Variants in ANKRD11 observed in about 807,000 individuals in gnomAD.
ANKRD11 encodes the protein ankyrin repeat domain 11, also known as ankyrin repeat domain-containing protein 11.
In ANKRD11, 17 loss-of-function variants were observed where a neutral mutation model predicts 195.7. That is an observed-to-expected ratio of 0.09 (90% CI 0.06 to 0.13). The LOEUF is 0.13. ANKRD11 is among the 10% of genes least tolerant of loss of function. The probability of loss-of-function intolerance (pLI) is 1.00; values close to 1 mark genes in which losing one functional copy is unlikely to be tolerated. For synonymous variants in ANKRD11, 1,953 were observed against 1,528.1 expected, an observed-to-expected ratio of 1.28 and a Z score of -6.49; for missense variants, 3,735 against 3,566.1, an observed-to-expected ratio of 1.05 and a Z score of -1.21.
At chr16:89,331,752 T>C (rs908574643) in intron 2 of ANKRD11, among the ~76,000 whole-genome samples, 2 of 152,168 alleles carry the variant, frequency 1.3e-5, no homozygotes, top group Admixed American at 1.3e-4. Flanking sequence ...TCCCAAAATA[T>C]TGGGGCTACA....
intron 2 of ANKRD11, among the ~76,000 whole-genome samples, chr16:89,344,284 G>A (rs974571156): frequency 6.6e-6 from 1 of 152,100 alleles, no homozygotes; most frequent in African/African-American, 2.4e-5. Flanking sequence ...AGCCTCTAAC[G>A]AGCCTCAGCT....
intron 2 of ANKRD11, among the ~76,000 whole-genome samples, chr16:89,383,547 T>C (rs1179078247): frequency 6.6e-6 from 1 of 152,192 alleles, no homozygotes; most frequent in Non-Finnish European, 1.5e-5. Flanking sequence ...GGAAGAGCCA[T>C]GAAGTTCCCA....
At chr16:89,301,732 G>T in intron 4 of ANKRD11, 1 of 398,352 alleles carries the variant, frequency 2.5e-6, no homozygotes, top group Non-Finnish European at 4.4e-6. Context: ...CAGCCTCGGG[G>T]ACTGCTTTAA....
At position 89,285,881 on chromosome 16, in the gene ANKRD11, G is replaced by T. The variant is rs1384101361; in HGVS notation, c.892+158C>A. ...TGAAGACTGCAGGCTTCTCGGCAGTGACACACCTGGGCGGGGTCTCCCGCA... is the reference window on the plus strand; with the variant it reads ...TGAAGACTGCAGGCTTCTCGGCAGTTACACACCTGGGCGGGGTCTCCCGCA... On this transcript the variant is annotated intron_variant, in intron 8 of 12. Coordinates refer to ENST00000301030, the MANE Select transcript of ANKRD11 (RefSeq NM_013275.6). The surrounding 1 kb of genome is among the most constrained non-coding windows in gnomAD (Gnocchi z 5.6). Among the ~76,000 whole-genome samples the T allele has an allele frequency of 6.6e-6, 1 of 152,254 alleles. No homozygotes were observed. Among genetic ancestry groups the T allele is most frequent in the Non-Finnish European group, 1.5e-5 (1 of 68,046 alleles).
At chr16:89,277,640 C>T (rs907443540) in intron 9 of ANKRD11, 2 of 152,324 alleles carry the variant, frequency 1.3e-5, no homozygotes, top group African/African-American at 4.8e-5. Context: ...GTGGATGAGC[C>T]TCCCCGGGGA....
intron 2 of ANKRD11, among the ~76,000 whole-genome samples, chr16:89,345,431 G>A (rs1284618308): frequency 6.6e-6 from 1 of 152,218 alleles, no homozygotes; most frequent in African/African-American, 2.4e-5. Context: ...CTGGGAGGCA[G>A]TCCCGTCCAT....
rs869142504 is a variant in ANKRD11 at position 89,334,144 on chromosome 16, TAAAAAAAAAAAA to T, written c.-59-17078_-59-17067del. ...GGTAACATGATGAAACCCTGTGTTTTAAAAAAAAAAAAAAAAAAAAAAAAAAAAACAGAGAGA... is the reference window on the plus strand; with the variant it reads ...GGTAACATGATGAAACCCTGTGTTTTAAAAAAAAAAAAAAAAACAGAGAGA... On this transcript the variant is annotated intron_variant, in intron 2 of 12. Coordinates refer to ENST00000301030, the MANE Select transcript of ANKRD11 (RefSeq NM_013275.6). Among the ~76,000 whole-genome samples the T allele has an allele frequency of 1.1e-3, 45 of 41,416 alleles. 1 individual carries two copies. The highest frequency in any genetic ancestry group is 3.4e-3 in the African/African-American group (36 of 10,448). 27.2% of individuals were successfully genotyped at this position (41,416 alleles called of 152,430 possible).
At chr16:89,305,154 G>A in intron 4 of ANKRD11, 52 bp downstream of exon 4, 1 of 1,599,668 alleles carries the variant, frequency 6.3e-7, no homozygotes, top group Non-Finnish European at 8.5e-7. Flanking sequence ...TGCCTGGGCT[G>A]CTCCGGGCTG....
rs1352191359 is a variant in ANKRD11 at position 89,268,616 on chromosome 16, G to T, written c.7854C>A (p.Ala2618=). 5.8e-6 allele frequency: 9 copies of T among 1,563,380 alleles called. No homozygotes were observed. The African/African-American group carries it at 6.8e-5, about 12-fold the overall frequency. The part of the protein sequence containing the change: ...RQQHEAAALN[A]VQRMEWQLKV... ...TCAGCTGCCACTCCATCCTCTGCAC[G>T]GCGTTCAGGGCCGCGGCCTCGTGCT... Residue 2618 remains alanine (A), a synonymous_variant, in exon 13 of 13, where the codon GCC becomes GCA. Coordinates refer to ENST00000301030, the MANE Select transcript of ANKRD11 (RefSeq NM_013275.6).
chr16:89,478,073 T>C (rs1206565816), intron 1 of ANKRD11, among the ~76,000 whole-genome samples: 2 of 152,038 alleles, frequency 1.3e-5, no homozygotes, highest in Non-Finnish European at 2.9e-5. Context: ...AAAAGAAAAA[T>C]AAAACAATGG....
At chr16:89,323,080 C>T in intron 2 of ANKRD11, 2 of 308,228 alleles carry the variant, frequency 6.5e-6, no homozygotes, top group South Asian at 2.5e-5. Flanking sequence ...TGCTTTACGG[C>T]AACCCCTGCC....
intron 2 of ANKRD11, among the ~76,000 whole-genome samples, chr16:89,355,600 T>C (rs986304198): frequency 3.3e-5 from 5 of 152,040 alleles, no homozygotes; most frequent in South Asian, 2.1e-4. Context: ...AACTCAAAAA[T>C]AGACTGAAAT....
chr16:89,323,429 CA>C (rs1330774244), intron 2 of ANKRD11: 2 of 935,422 alleles, frequency 2.1e-6, no homozygotes, highest in Non-Finnish European at 2.9e-6. Context: ...GAGCCGAGGG[CA>C]GGGGGGCTGA....
chr16:89,357,479 C>T (rs534834129), intron 2 of ANKRD11, among the ~76,000 whole-genome samples: 2 of 152,266 alleles, frequency 1.3e-5, no homozygotes, highest in South Asian at 4.1e-4. Context: ...CAACAAATTA[C>T]AAAAGGACTA....
At chr16:89,313,496 G>A in intron 3 of ANKRD11, 2 of 1,289,230 alleles carry the variant, frequency 1.6e-6, no homozygotes, top group Non-Finnish European at 2.0e-6. Context: ...CAAGCCGTCA[G>A]GTCAGCGCGG....
chr16:89,313,428 G>A lies in ANKRD11; in HGVS notation c.87+3505C>T, dbSNP rs535574855. ...ATGGTGAGAGACCGTCTGCAGAAGG[G>A]GCCCTTTCTCTGACACGCCTGCCAC... On this transcript the variant is annotated intron_variant, in intron 3 of 12. Transcript: ENST00000301030. The A allele has an allele frequency of 7.4e-5, 96 of 1,289,124 alleles. No homozygotes were observed. The East Asian group carries it at 5.0e-3, about 68-fold the overall frequency. The allele number at this position is 1,289,124 out of a possible 1,614,324, so 79.9% of individuals were successfully genotyped here.
chr16:89,449,882 C>CAT (rs35483140), intron 1 of ANKRD11, among the ~76,000 whole-genome samples: 1 of 33,326 alleles, frequency 3.0e-5, no homozygotes. Flanking sequence ...TGATCAAAGT[C>CAT]ATAGACAGGC....
chr16:89,407,213 G>T (rs1022186245), intron 2 of ANKRD11, among the ~76,000 whole-genome samples: 1 of 151,248 alleles, frequency 6.6e-6, no homozygotes, highest in Non-Finnish European at 1.5e-5. Flanking sequence ...AGAACACGCA[G>T]ACAGAAAAGA....
In ANKRD11 at chr16:89,291,893, C is replaced by A. The variant is rs140380316; in HGVS notation, c.227-710G>T. 2 of 651,342 alleles carry A rather than the reference C, an allele frequency of 3.1e-6. No homozygotes were observed. Among genetic ancestry groups the A allele is most frequent in the African/African-American group, 1.9e-5 (1 of 53,430 alleles). 40.3% of individuals were successfully genotyped at this position (651,342 alleles called of 1,614,324 possible). On this transcript the variant is annotated intron_variant, in intron 4 of 12. Coordinates refer to ENST00000301030, the MANE Select transcript of ANKRD11 (RefSeq NM_013275.6). The surrounding 1 kb of genome is among the most constrained non-coding windows in gnomAD (Gnocchi z 5.3). ...CTCATCTGACCCGTTACAGAACACT[C>A]GGCTGGCGTCTAACGCAACTCACGT...
Sources: allele counts gnomAD v4.1 joint callset (sites outside exome capture counted in the v4.1 genomes callset), GRCh38; gene constraint gnomAD v4.1.1; non-coding constraint Gnocchi (gnomAD v3.1); transcripts MANE v1.5; gene names NCBI Gene and HGNC (gene_info 2026-07-23, HGNC 2026-07-21).